The following ABCA7 variants were observed in gnomAD, a reference collection of about 807,000 sequenced individuals.
ABCA7 encodes ATP binding cassette subfamily A member 7.
In ABCA7, 261 loss-of-function variants were observed where a neutral mutation model predicts 227.6. The ratio of observed to expected loss-of-function variants is 1.15; its 90% CI spans 1.04 to 1.27. The LOEUF (loss-of-function observed/expected upper bound fraction) is 1.27. Among genes scored for constraint, ABCA7 ranks in the 50% most tolerant of loss-of-function variants. The pLI is 0.00. For synonymous variants in ABCA7, 1,488 were observed against 1,279.7 expected (o/e 1.16, Z -3.47); for missense variants, 3,331 against 2,924.5 (o/e 1.14, Z -3.21).
chr19:1,043,754 G>T lies in ABCA7; in HGVS notation c.960G>T (p.Leu320=), dbSNP rs201091850. ...QVNRTFEELT[L]LRDVREVWEM... ...ACCGGACCTTCGAGGAGCTCACCCT[G>T]CTGAGGGATGTCCGGGAGGTGTGGG... Residue 320 remains leucine, a synonymous_variant, in exon 10 of 47, where the codon CTG becomes CTT. Transcript: ENST00000263094. The T allele has an allele frequency of 8.8e-5, 142 of 1,613,156 alleles. No individual in the cohort carries two copies. In the East Asian group the frequency reaches 3.0e-3, roughly 34 times the overall value.
At position 1,049,451 on chromosome 19, in the gene ABCA7, C is replaced by A. The variant is rs1423075819; in HGVS notation, c.2552+14C>A. The A allele has an allele frequency of 6.4e-7, 1 of 1,555,354 alleles. No individual in the cohort carries two copies. On this transcript the variant is annotated intron_variant, in intron 18 of 46. Transcript: ENST00000263094. The stretch of plus-strand genomic sequence containing the variant: ...GACCACCACCCTGTGAGCCCCCAAC[C>A]ACTCCCTCCCCGTGAGCCCCCCCAC...
chr19:1,062,436 G>A, intron 42 of ABCA7, 123 bp downstream of exon 42: 1 of 1,461,184 alleles, frequency 6.8e-7, no homozygotes, highest in South Asian at 1.3e-5. Context: ...CCTGCCCCCA[G>A]ACCGTGCTTC....
chr19:1,051,384 G>A (rs922339814), intron 20 of ABCA7, 65 bp from the exon 21 acceptor site: 10 of 713,020 alleles, frequency 1.4e-5, no homozygotes, highest in Non-Finnish European at 1.8e-5. Context: ...TGAGGTCCAC[G>A]TGGGTAGGCA....
At chr19:1,064,026 G>A (rs923652713) in intron 44 of ABCA7, 135 bp from the exon 45 acceptor site, 1 of 1,329,710 alleles carries the variant, frequency 7.5e-7, no homozygotes, top group Non-Finnish European at 1.0e-6. Flanking sequence ...CGCGGCGCCG[G>A]GATCAGAACG....
In ABCA7 at chr19:1,056,395, C is replaced by A. The variant is rs2042254221; in HGVS notation, c.4482C>A (p.Ile1494=). Residue 1494 remains isoleucine, a synonymous_variant, in exon 33 of 47, where the codon ATC becomes ATA. Coordinates refer to ENST00000263094, the MANE Select transcript of ABCA7 (RefSeq NM_019112.4). This position sits in a 1 kb window ranked among gnomAD's most constrained non-coding sequence, Gnocchi z 4.3. ...VAFVNRASNA[I]LRAHLPPGPA... ...TTGTCAACCGAGCCAGCAACGCAAT[C>A]CTCCGTGCTCACCTGCCCCCAGGCC... 6.2e-7 allele frequency: 1 copy of A among 1,613,492 alleles called. No homozygotes were observed. The highest frequency in any genetic ancestry group is 1.1e-5 in the South Asian group (1 of 91,082).
intron 40 of ABCA7, 83 bp from the exon 41 acceptor site, chr19:1,061,699 C>CAAAAA (rs397859882): frequency 3.8e-6 from 4 of 1,055,984 alleles, no homozygotes; most frequent in Non-Finnish European, 2.6e-6. Context: ...AACTTGGTCT[C>CAAAAA]AAAAAAAAAA....
In ABCA7 at chr19:1,064,244, T is replaced by G. The variant is rs2042885362; in HGVS notation, c.6035T>G (p.Leu2012Arg). 1 of 1,563,500 alleles carries G rather than the reference T, an allele frequency of 6.4e-7. No homozygotes were observed. The highest frequency in any genetic ancestry group is 1.4e-5 in the African/African-American group (1 of 73,624). ...CGCTGCCTGGGCAGCCCGCAACATC[T>G]CAAGGGCAGGTGAGCCGGCGCGGCC... ...RFRCLGSPQH[L>R]KGRFAAGHTL... Residue 2012 changes from leucine (L) to arginine (R), a missense_variant, in exon 45 of 47, where the codon CTC becomes CGC. Physicochemically the swap from Leu to Arg is moderately radical, Grantham distance 102. Coordinates refer to ENST00000263094, the MANE Select transcript of ABCA7 (RefSeq NM_019112.4).
chr19:1,051,354 G>T, intron 20 of ABCA7, 60 bp downstream of exon 20: 1 of 1,497,730 alleles, frequency 6.7e-7, no homozygotes. Flanking sequence ...TCATCCTGAA[G>T]GCAGGGGGAA....
chr19:1,043,687 G>C (rs1420545685), intron 9 of ABCA7, 38 bp from the exon 10 acceptor site: 4 of 1,603,674 alleles, frequency 2.5e-6, no homozygotes, highest in Non-Finnish European at 3.4e-6. Context: ...GTCCTCAGAG[G>C]AGGAGAGGGT....
At chr19:1,058,503 G>A (rs551200890) in intron 37 of ABCA7, 115 bp from the exon 38 acceptor site, 20 of 1,510,326 alleles carry the variant, frequency 1.3e-5, no homozygotes, top group East Asian at 1.2e-4. Context: ...GACTCCAGCT[G>A]AGTGGCCTAT....
At chr19:1,057,791 CAG>C (rs1176606316) in intron 35 of ABCA7, 122 bp from the exon 36 acceptor site, 2 of 1,119,164 alleles carry the variant, frequency 1.8e-6, no homozygotes, top group Admixed American at 2.6e-5. Flanking sequence ...AAAAAAAAAA[CAG>C]AAATGTGCTT....
At position 1,065,205 on chromosome 19, in the gene ABCA7, C is replaced by T. The variant is rs371961358; in HGVS notation, c.6285+34C>T. 191 of 1,596,500 alleles carry T rather than the reference C, an allele frequency of 1.2e-4. No individual in the cohort carries two copies. Among genetic ancestry groups the T allele is most frequent in the Non-Finnish European group, 1.6e-4 (184 of 1,169,552 alleles). Reference sequence around the variant, plus strand: ...GGCGCCGGGGTCGGGCTGGGGGAGGCAGGCTGGGGGCCAGGCCCGTGGGCT... The same window carrying T: ...GGCGCCGGGGTCGGGCTGGGGGAGGTAGGCTGGGGGCCAGGCCCGTGGGCT... On this transcript the variant is annotated intron_variant, in intron 46 of 46. Transcript: ENST00000263094.
Position 1,047,291 on chromosome 19 carries a change from C to T in ABCA7, c.1980C>T (p.Gly660=). The part of the protein sequence containing the change: ...FSRANLAAAC[G]GLAYFSLYLP... ...GCGCCAACCTGGCTGCGGCCTGCGG[C>T]GGCCTGGCCTACTTCTCCCTCTACC... Residue 660 remains glycine (G), a synonymous_variant, in exon 15 of 47, where the codon GGC becomes GGT. Transcript: ENST00000263094. 1.2e-6 allele frequency: 2 copies of T among 1,605,018 alleles called. No homozygotes were observed. The highest frequency in any genetic ancestry group is 1.7e-6 in the Non-Finnish European group (2 of 1,178,978).
At chr19:1,055,479 CTCG>C (rs2042165248) in intron 30 of ABCA7, 128 bp downstream of exon 30, 3 of 934,604 alleles carry the variant, frequency 3.2e-6, no homozygotes, top group Non-Finnish European at 3.0e-6. Context: ...GGCTGGGAGT[CTCG>C]CGTACCTTCC....
rs549025287 is a variant in ABCA7 at position 1,042,326 on chromosome 19, C to T, written c.427C>T (p.Pro143Ser). ...CGCTCCTCCCCCAGCCCAGCCTCAA[C>T]CAACCAAGCAGTCTCCACTGGAACC... is the stretch of plus-strand genomic sequence containing the variant. ...RAARSTAQPQPTKQSPLEPPM... is the reference protein window; with the variant it reads ...RAARSTAQPQSTKQSPLEPPM... Residue 143 changes from proline (P) to serine (S), a missense_variant, in exon 6 of 47, where the codon CCA becomes TCA. Coordinates refer to ENST00000263094, the MANE Select transcript of ABCA7 (RefSeq NM_019112.4). The T allele has an allele frequency of 3.7e-5, 58 of 1,579,654 alleles. No homozygotes were observed. The East Asian group carries it at 1.3e-3, about 35-fold the overall frequency.
At chr19:1,048,808 C>CGA in intron 16 of ABCA7, 87 bp from the exon 17 acceptor site, 1 of 495,390 alleles carries the variant, frequency 2.0e-6, no homozygotes, top group Non-Finnish European at 3.1e-6. Context: ...GACTCCGTCT[C>CGA]AAAAAAAAAA....
At position 1,052,108 on chromosome 19, in the gene ABCA7, C is replaced by A. The variant is rs1199541743; in HGVS notation, c.3129C>A (p.Pro1043=). The A allele has an allele frequency of 6.2e-7, 1 of 1,612,236 alleles. No individual in the cohort carries two copies. The part of the protein sequence containing the change: ...YYLTLVKARL[P]LTTNEKADTD... ...TGACGCTGGTGAAGGCCCGCCTGCC[C>A]CTGACCACCAATGAGAAGGTGGGGA... Residue 1043 remains proline (P), a synonymous_variant, in exon 22 of 47, where the codon CCC becomes CCA. Transcript: ENST00000263094.
At chr19:1,050,429 C>G (rs901950471) in intron 18 of ABCA7, among the ~76,000 whole-genome samples, 4 of 135,204 alleles carry the variant, frequency 3.0e-5, no homozygotes, top group Non-Finnish European at 6.6e-5. Context: ...TAAAAATAAA[C>G]AAATAAATAA....
In ABCA7 at chr19:1,042,380, A is replaced by C; in HGVS notation, c.481A>C (p.Thr161Pro). The C allele has an allele frequency of 6.2e-7, 1 of 1,607,276 alleles. No individual in the cohort carries two copies. The highest frequency in any genetic ancestry group is 8.5e-7 in the Non-Finnish European group (1 of 1,175,434). Residue 161 changes from threonine (T) to proline (P), a missense_variant, in exon 6 of 47, where the codon ACG becomes CCG. Physicochemically the swap from Thr to Pro is conservative, Grantham distance 38. Coordinates refer to ENST00000263094, the MANE Select transcript of ABCA7 (RefSeq NM_019112.4). ...CATGCTGGATGTCGCGGAGCTGCTG[A>C]CGTCACTGCTGCGCACGGTAGGGTG... ...PPMLDVAELL[T>P]SLLRTESLGL...
Sources: gnomAD v4.1 joint callset for allele counts (sites outside exome capture counted in the v4.1 genomes callset) on GRCh38, gnomAD v4.1.1 for gene constraint, Gnocchi (gnomAD v3.1) non-coding constraint, MANE v1.5 for transcripts, NCBI Gene and HGNC (gene_info 2026-07-23, HGNC 2026-07-21) for gene names.